MADD: variants seen among roughly 807,000 people sequenced by gnomAD.
MADD encodes MAP kinase activating death domain.
Under a neutral mutation model 176.7 loss-of-function variants are expected in MADD, and 109 were observed. The observed-to-expected ratio is 0.62, with a 90% confidence interval of 0.53 to 0.72. The LOEUF (loss-of-function observed/expected upper bound fraction) is 0.72, where lower values mean the gene tolerates loss of function less well. Ranked by LOEUF, MADD falls within the 30% of genes least tolerant of loss-of-function variation. The probability of loss-of-function intolerance (pLI) is 0.00; values close to 1 mark genes in which losing one functional copy is unlikely to be tolerated. For synonymous variants in MADD, 771 were observed against 771.3 expected (o/e 1.00, Z 0.01); for missense variants, 1,914 against 2,045.5 (o/e 0.94, Z 1.24).
At chr11:47,271,438 TAAC>T (rs1315358822) in intron 1 of MADD, among the ~76,000 whole-genome samples, 5 of 152,248 alleles carry the variant, frequency 3.3e-5, no homozygotes, top group East Asian at 1.9e-4. Flanking sequence ...GCTAGAATAA[TAAC>T]AAGATCTCAG....
chr11:47,279,742 C>T (rs2054588178), intron 7 of MADD, among the ~76,000 whole-genome samples: 1 of 151,704 alleles, frequency 6.6e-6, no homozygotes. Context: ...TTTATATTAT[C>T]TTCTAGAGTT....
chr11:47,284,824 C>G, intron 12 of MADD, 117 bp from the exon 13 acceptor site: 1 of 1,429,792 alleles, frequency 7.0e-7, no homozygotes, highest in Non-Finnish European at 9.5e-7. Context: ...GAGATCATTT[C>G]CCACACATTC....
In MADD at chr11:47,325,050, G is replaced by C. The variant is rs1325185826; in HGVS notation, c.4542+473G>C. ...GCTTGTGTGTAAGTAGCTTGTATCT[G>C]TCCTCTCTGGAGTGTGTTTATTTGC... On this transcript the variant is annotated intron_variant, in intron 30 of 32. Coordinates refer to ENST00000402192, the Ensembl canonical transcript of MADD. The surrounding 1 kb of genome is among the most constrained non-coding windows in gnomAD (Gnocchi z 4.5). The C allele has an allele frequency of 1.9e-5, 8 of 429,614 alleles. No homozygotes were observed. The East Asian group carries it at 3.2e-4, about 17-fold the overall frequency. The allele number at this position is 429,614 out of a possible 1,614,324, so 26.6% of individuals were successfully genotyped here.
Position 47,325,826 on chromosome 11 carries a change from T to C in MADD, c.4543-912T>C, listed in dbSNP as rs985904189. Among the ~76,000 whole-genome samples, 1 of 152,116 alleles carries C rather than the reference T, an allele frequency of 6.6e-6. No homozygotes were observed. The highest frequency in any genetic ancestry group is 2.4e-5 in the African/African-American group (1 of 41,460). On this transcript the variant is annotated intron_variant, in intron 30 of 32. Coordinates refer to ENST00000402192, the Ensembl canonical transcript of MADD. This position sits in a 1 kb window ranked among gnomAD's most constrained non-coding sequence, Gnocchi z 4.5. ...CGTCCTGCCCTTGGCATAGCCCCAC[T>C]GGGCAGCCATCCAAGCCAGTCTGTG... is the stretch of plus-strand genomic sequence containing the variant.
At chr11:47,282,996 G>A (rs770607888) in intron 10 of MADD, 27 bp downstream of exon 10, 3 of 1,603,950 alleles carry the variant, frequency 1.9e-6, no homozygotes, top group Non-Finnish European at 2.6e-6. Flanking sequence ...CAGCAAAAAG[G>A]TTTTAAAGGT....
chr11:47,284,099 T>G (rs746013757), intron 10 of MADD, 79 bp from the exon 11 acceptor site: 31 of 967,286 alleles, frequency 3.2e-5, no homozygotes, highest in Non-Finnish European at 5.2e-5. Context: ...CTCCCCCTTT[T>G]ATTTTTCCTG....
At chr11:47,305,429 T>C (rs993857282) in intron 22 of MADD, among the ~76,000 whole-genome samples, 1 of 152,018 alleles carries the variant, frequency 6.6e-6, no homozygotes, top group South Asian at 2.1e-4. Context: ...ATTCTAATAC[T>C]GGGGGATAGG....
chr11:47,283,796 C>CTCA (rs2058758312), intron 10 of MADD, among the ~76,000 whole-genome samples: 1 of 152,024 alleles, frequency 6.6e-6, no homozygotes, highest in South Asian at 2.1e-4. Flanking sequence ...TGGTTTCAAA[C>CTCA]TCATGCCTTC....
At chr11:47,301,456 T>G (rs2077724282) in intron 22 of MADD, among the ~76,000 whole-genome samples, 1 of 152,210 alleles carries the variant, frequency 6.6e-6, no homozygotes, top group Non-Finnish European at 1.5e-5. Flanking sequence ...TGCTCTGATC[T>G]TGATTATTTC....
At chr11:47,329,210 C>A in exon 33 of MADD, 2 of 1,239,912 alleles carry the variant, frequency 1.6e-6, no homozygotes, top group Non-Finnish European at 2.4e-6. Flanking sequence ...TTGCTGTTCC[C>A]AAGTGCACGA....
At chr11:47,296,542 C>T (rs1223089342) in intron 22 of MADD, among the ~76,000 whole-genome samples, 1 of 152,066 alleles carries the variant, frequency 6.6e-6, no homozygotes, top group African/African-American at 2.4e-5. Context: ...AAGTGATTTA[C>T]TAAGTGCCAG....
exon 4 of MADD, chr11:47,276,108 T>G (rs776499813): frequency 1.2e-6 from 2 of 1,614,240 alleles, no homozygotes; most frequent in South Asian, 1.1e-5. Flanking sequence ...CCATCTCGAT[T>G]CACCCTAGTG....
intron 25 of MADD, 62 bp downstream of exon 28, chr11:47,309,674 C>T (rs1429343787): frequency 6.7e-6 from 9 of 1,335,132 alleles, no homozygotes; most frequent in South Asian, 3.5e-5. Flanking sequence ...TTGTTCCTGT[C>T]GCCTAAATTT....
rs1471440111 is a variant in MADD at position 47,325,613 on chromosome 11, A to G, written c.4542+1036A>G. 3.3e-5 allele frequency among the ~76,000 whole-genome samples: 5 copies of G among 152,244 alleles called. No individual in the cohort carries two copies. The highest frequency in any genetic ancestry group is 7.3e-5 in the Non-Finnish European group (5 of 68,042). ...CAGCCCCTTAGTATATTTTCAATTT[A>G]GGACTTAGGGCAGTAGCCAACCCCA... On this transcript the variant is annotated intron_variant, in intron 30 of 32. Coordinates refer to ENST00000402192, the Ensembl canonical transcript of MADD. This position sits in a 1 kb window ranked among gnomAD's most constrained non-coding sequence, Gnocchi z 4.5.
intron 20 of MADD, among the ~76,000 whole-genome samples, chr11:47,295,085 A>T (rs1043906357): frequency 2.7e-5 from 4 of 150,582 alleles, no homozygotes; most frequent in Admixed American, 2.7e-4. Flanking sequence ...CTCTCTGCTC[A>T]CTGCAGCCTC....
chr11:47,287,158 TG>T (rs1191031945), intron 15 of MADD, among the ~76,000 whole-genome samples: 1 of 152,178 alleles, frequency 6.6e-6, no homozygotes, highest in East Asian at 1.9e-4. Context: ...ACGCCGTCTC[TG>T]CTAAAAATAC....
chr11:47,296,967 G>GTT (rs1398942893), intron 22 of MADD, among the ~76,000 whole-genome samples: 1 of 151,900 alleles, frequency 6.6e-6, no homozygotes, highest in Non-Finnish European at 1.5e-5. Flanking sequence ...TAGAGATGGG[G>GTT]TTTCCCTCTG....
At chr11:47,281,096 C>A (rs140882847) in intron 7 of MADD, among the ~76,000 whole-genome samples, 12 of 152,328 alleles carry the variant, frequency 7.9e-5, no homozygotes, top group African/African-American at 2.2e-4. Context: ...TGCTCTCGAC[C>A]AGTGGTCTTC....
chr11:47,287,019 AG>A (rs1163351175), intron 15 of MADD, among the ~76,000 whole-genome samples: 1 of 152,172 alleles, frequency 6.6e-6, no homozygotes, highest in African/African-American at 2.4e-5. Context: ...GTTAGTTTCT[AG>A]GGGCAGTTAA....
Sources: allele counts gnomAD v4.1 joint callset (sites outside exome capture counted in the v4.1 genomes callset), GRCh38; gene constraint gnomAD v4.1.1; non-coding constraint Gnocchi (gnomAD v3.1); transcripts MANE v1.5; gene names NCBI Gene and HGNC (gene_info 2026-07-23, HGNC 2026-07-21).